NXN: variants seen among roughly 807,000 people sequenced by gnomAD.
NXN encodes nucleoredoxin 1.
A neutral mutation model predicts 48.6 loss-of-function variants in NXN; 16 were observed. The ratio of observed to expected loss-of-function variants is 0.33; its 90% CI spans 0.22 to 0.50. The LOEUF (loss-of-function observed/expected upper bound fraction) is 0.50. Ranked by LOEUF, NXN falls within the 20% of genes least tolerant of loss-of-function variation. The pLI, the probability that NXN is intolerant of heterozygous loss-of-function variation, is 0.98. For synonymous variants in NXN, 281 were observed against 269.6 expected, an observed-to-expected ratio of 1.04 and a Z score of -0.41; for missense variants, 492 against 605.5, an observed-to-expected ratio of 0.81 and a Z score of 1.97.
At chr17:810,739 A>AAG (rs1358518791) in intron 5 of NXN, among the ~76,000 whole-genome samples, 1 of 152,136 alleles carries the variant, frequency 6.6e-6, no homozygotes, top group African/African-American at 2.4e-5. Flanking sequence ...AAAATACAAA[A>AAG]TTAGCTGGGC....
At chr17:851,316 C>G (rs1422248769) in intron 1 of NXN, among the ~76,000 whole-genome samples, 2 of 152,264 alleles carry the variant, frequency 1.3e-5, no homozygotes, top group East Asian at 1.9e-4. Flanking sequence ...CAAAAGACAG[C>G]GCAAGCCTCT....
intron 1 of NXN, among the ~76,000 whole-genome samples, chr17:928,601 G>A (rs1372375095): frequency 1.3e-5 from 2 of 152,176 alleles, no homozygotes; most frequent in African/African-American, 2.4e-5. Flanking sequence ...TTTGGGAAGC[G>A]GAGACAAGCT....
intron 1 of NXN, among the ~76,000 whole-genome samples, chr17:856,027 T>C (rs2067982537): frequency 6.6e-6 from 1 of 152,098 alleles, no homozygotes; most frequent in African/African-American, 2.4e-5. Flanking sequence ...ACCCTGTCTC[T>C]ACTAAAAATA....
intron 1 of NXN, among the ~76,000 whole-genome samples, chr17:838,283 C>G (rs1049690966): frequency 6.6e-6 from 1 of 152,014 alleles, no homozygotes; most frequent in Admixed American, 6.6e-5. Context: ...AGGTGCCCAC[C>G]ACCACACCCG....
chr17:826,042 G>C lies in NXN; in HGVS notation c.397C>G (p.Pro133Ala). The change falls in exon 2 of 8, where the codon CCA (proline) becomes GCA (alanine). Residue 133 changes from proline to alanine, a missense_variant. Pro to Ala is a conservative substitution (Grantham distance 27, BLOSUM62 -1). This residue lies in a region of NXN where 186 missense variants were observed against 199.1 expected (regional missense o/e 0.93). Coordinates refer to ENST00000336868, the MANE Select transcript of NXN (RefSeq NM_022463.5). Reference sequence around the variant, plus strand: ...GTGGCGTCGAGGAATATTAGTGATGGAATGTTGGAAATTCGGTATTTGTTC... The same window carrying C: ...GTGGCGTCGAGGAATATTAGTGATGCAATGTTGGAAATTCGGTATTTGTTC... ...LWNKYRISNIPSLIFLDATTG... is the reference protein window; with the variant it reads ...LWNKYRISNIASLIFLDATTG... 2 of 1,614,030 alleles carry C rather than the reference G, an allele frequency of 1.2e-6. No homozygotes were observed. The highest frequency in any genetic ancestry group is 1.7e-6 in the Non-Finnish European group (2 of 1,179,882).
intron 1 of NXN, among the ~76,000 whole-genome samples, chr17:859,058 G>A (rs1026897950): frequency 6.6e-6 from 1 of 152,216 alleles, no homozygotes; most frequent in African/African-American, 2.4e-5. Flanking sequence ...CTGGTTCGAA[G>A]GCCATGGCAC....
intron 1 of NXN, among the ~76,000 whole-genome samples, chr17:946,458 C>T (rs1456536596): frequency 6.6e-6 from 1 of 152,232 alleles, no homozygotes; most frequent in African/African-American, 2.4e-5. Context: ...TGAGCCACCA[C>T]ACCCGGCCAA....
In NXN at chr17:830,799, G is replaced by A. The variant is rs771026528; in HGVS notation, c.361-4721C>T. 3.9e-5 allele frequency among the ~76,000 whole-genome samples: 6 copies of A among 152,040 alleles called. No homozygotes were observed. The highest frequency in any genetic ancestry group is 8.8e-5 in the Non-Finnish European group (6 of 68,002). ...GCAGATCATCTGAGGTCAGGAGTTC[G>A]ACAACAGCCTGGCCAACACGGTGAA... On this transcript the variant is annotated intron_variant, in intron 1 of 7. Coordinates refer to ENST00000336868, the MANE Select transcript of NXN (RefSeq NM_022463.5). The surrounding 1 kb of genome is among the most constrained non-coding windows in gnomAD (Gnocchi z 4.2).
intron 1 of NXN, among the ~76,000 whole-genome samples, chr17:888,962 CAAAAAAAAAA>C (rs71145786): frequency 9.9e-6 from 1 of 101,436 alleles, no homozygotes; most frequent in Non-Finnish European, 2.1e-5. Context: ...AACTCCATCT[CAAAAAAAAAA>C]AAAAAAAAAA....
chr17:868,471 T>A (rs967486258), intron 1 of NXN, among the ~76,000 whole-genome samples: 4 of 151,644 alleles, frequency 2.6e-5, no homozygotes, highest in African/African-American at 7.3e-5. Flanking sequence ...CTTTTTTTGT[T>A]TTTTTTTTGG....
At chr17:904,240 G>A (rs1377061674) in intron 1 of NXN, among the ~76,000 whole-genome samples, 3 of 152,298 alleles carry the variant, frequency 2.0e-5, no homozygotes, top group Middle Eastern at 3.4e-3. Context: ...AAAACTCCCA[G>A]GTTGTAAGCG....
intron 1 of NXN, among the ~76,000 whole-genome samples, chr17:976,775 T>TTC (rs542175764): frequency 6.6e-6 from 1 of 152,136 alleles, no homozygotes; most frequent in South Asian, 2.1e-4. Flanking sequence ...TTCCTTTTTT[T>TTC]TTTTTTTTGA....
At chr17:879,371 C>T (rs2068258775) in intron 1 of NXN, among the ~76,000 whole-genome samples, 1 of 150,998 alleles carries the variant, frequency 6.6e-6, no homozygotes, top group Non-Finnish European at 1.5e-5. Context: ...CTCACTATAG[C>T]CTCCGTCTCC....
intron 1 of NXN, among the ~76,000 whole-genome samples, chr17:955,504 C>T (rs945157344): frequency 6.6e-6 from 1 of 151,338 alleles, no homozygotes; most frequent in Admixed American, 6.6e-5. Context: ...TTGGCAAAGT[C>T]TGACAGACAC....
chr17:979,532 G>A lies in NXN; in HGVS notation c.147C>T (p.Leu49=). The A allele has an allele frequency of 7.6e-7, 1 of 1,324,390 alleles. No homozygotes were observed. Among genetic ancestry groups the A allele is most frequent in the Non-Finnish European group, 9.7e-7 (1 of 1,030,282 alleles). The allele number at this position is 1,324,390 out of a possible 1,614,324, so 82.0% of individuals were successfully genotyped here. ...GCSLSAPCAQ[L]SASLAAFYGR... Reference sequence around the variant, plus strand: ...CGTAGAAGGCGGCCAGGCTGGCGCTGAGCTGCGCGCAGGGGGCGCTGAGGC... The same window carrying A: ...CGTAGAAGGCGGCCAGGCTGGCGCTAAGCTGCGCGCAGGGGGCGCTGAGGC... The change falls in exon 1 of 8, where the codon CTC becomes CTT. Residue 49 remains leucine, a synonymous_variant. Coordinates refer to ENST00000336868, the MANE Select transcript of NXN (RefSeq NM_022463.5).
chr17:879,033 C>T lies in NXN; in HGVS notation c.361-52955G>A, dbSNP rs112929153. On this transcript the variant is annotated intron_variant, in intron 1 of 7. Transcript: ENST00000336868. ...TACAAAAACTAGCCAGGTGTGGTGG[C>T]AGGCGCCTCTAATCCCAGCTACTCG... is the stretch of plus-strand genomic sequence containing the variant. 5.3e-5 allele frequency among the ~76,000 whole-genome samples: 8 copies of T among 151,998 alleles called. 1 individual carries two copies. Among genetic ancestry groups the T allele is most frequent in the African/African-American group, 9.6e-5 (4 of 41,502 alleles).
chr17:888,448 T>C (rs975614441), intron 1 of NXN, among the ~76,000 whole-genome samples: 15 of 152,180 alleles, frequency 9.9e-5, no homozygotes, highest in African/African-American at 3.4e-4. Flanking sequence ...AAAGAAATCC[T>C]GGGCTTAAAG....
chr17:923,640 A>G (rs2068769548), intron 1 of NXN, among the ~76,000 whole-genome samples: 1 of 152,284 alleles, frequency 6.6e-6, no homozygotes, highest in Admixed American at 6.5e-5. Context: ...TGCAACGTGC[A>G]GGACACTGCG....
intron 1 of NXN, among the ~76,000 whole-genome samples, chr17:895,810 AAAACAAAC>A (rs143961876): frequency 7.2e-6 from 1 of 139,766 alleles, no homozygotes; most frequent in Admixed American, 7.1e-5. Flanking sequence ...GTTTGTCTCA[AAAACAAAC>A]AAACAAACAA....
Sources: allele counts gnomAD v4.1 joint callset (sites outside exome capture counted in the v4.1 genomes callset), GRCh38; gene constraint gnomAD v4.1.1; regional missense constraint gnomAD v4.1.1; non-coding constraint Gnocchi (gnomAD v3.1); transcripts MANE v1.5; gene names NCBI Gene and HGNC (gene_info 2026-07-23, HGNC 2026-07-21).